GPR158: variants seen among roughly 807,000 people sequenced by gnomAD.
GPR158 encodes G protein-coupled receptor 158, also known as metabotropic glycine receptor.
A neutral mutation model predicts 78.2 loss-of-function variants in GPR158; 30 were observed. The ratio of observed to expected loss-of-function variants is 0.38; its 90% CI spans 0.29 to 0.52. The LOEUF is 0.52. Among genes scored for constraint, GPR158 ranks in the 20% least tolerant of loss-of-function variants. The probability of loss-of-function intolerance (pLI) is 0.83; values close to 1 mark genes in which losing one functional copy is unlikely to be tolerated. For synonymous variants in GPR158, 581 were observed against 591.1 expected, an observed-to-expected ratio of 0.98 and a Z score of 0.25; for missense variants, 1,463 against 1,523.5, an observed-to-expected ratio of 0.96 and a Z score of 0.66.
intron 4 of GPR158, among the ~76,000 whole-genome samples, chr10:25,423,391 CT>C (rs71399970): frequency 0.7 from 103,403 of 147,360 alleles, 36,906 homozygotes; most frequent in Non-Finnish European, 0.8. Context: ...ACTTTTAGTT[CT>C]TTTTTTTTTT....
At position 25,601,051 on chromosome 10, in the gene GPR158, A is replaced by G. The variant is rs16926172; in HGVS notation, c.*1777A>G. 9,548 of 152,446 alleles carry G rather than the reference A, an allele frequency of 0.063. 435 individuals carry two copies. The highest frequency in any genetic ancestry group is 0.13 in the African/African-American group (5,588 of 41,528). 9.4% of individuals were successfully genotyped at this position (152,446 alleles called of 1,614,324 possible). A position where few individuals can be genotyped will look rare whatever the true frequency, so the allele number is the denominator to read the frequency against. On this transcript the variant is annotated 3_prime_UTR_variant, in exon 11 of 11. Transcript: ENST00000376351. ...AATAACTATTTTTTATGTCACAAGC[A>G]GCAAGGAGGACATGCTAGGGTGATA... is the stretch of plus-strand genomic sequence containing the variant.
At chr10:25,553,797 C>T (rs1836754800) in intron 6 of GPR158, among the ~76,000 whole-genome samples, 1 of 152,142 alleles carries the variant, frequency 6.6e-6, no homozygotes, top group East Asian at 1.9e-4. Context: ...TAAATCCTGA[C>T]AAATCCAAAT....
intron 2 of GPR158, among the ~76,000 whole-genome samples, chr10:25,256,169 G>C (rs367766903): frequency 6.8e-6 from 1 of 146,916 alleles, no homozygotes; most frequent in Non-Finnish European, 1.5e-5. Context: ...TAGTACTTTC[G>C]ACTGAAAAAA....
chr10:25,580,644 T>C (rs1220480442), intron 7 of GPR158, among the ~76,000 whole-genome samples: 1 of 152,208 alleles, frequency 6.6e-6, no homozygotes, highest in African/African-American at 2.4e-5. Context: ...TTTAGATTCA[T>C]TACATACATT....
intron 2 of GPR158, among the ~76,000 whole-genome samples, chr10:25,266,603 G>A (rs189273085): frequency 1.4e-4 from 22 of 152,178 alleles, no homozygotes; most frequent in African/African-American, 5.3e-4. Context: ...TTAAGCATAA[G>A]AAGGAAAGCT....
chr10:25,524,195 A>G (rs1047010380), intron 5 of GPR158, among the ~76,000 whole-genome samples: 4 of 152,198 alleles, frequency 2.6e-5, no homozygotes, highest in Admixed American at 2.0e-4. Flanking sequence ...GGATTAGAAA[A>G]CTGAATAGGT....
intron 2 of GPR158, among the ~76,000 whole-genome samples, chr10:25,333,716 T>G (rs1039080605): frequency 2.0e-5 from 3 of 152,188 alleles, no homozygotes; most frequent in African/African-American, 7.2e-5. Context: ...AAAGACATAT[T>G]AACTAAGTAT....
At chr10:25,255,895 A>G (rs1003557160) in intron 2 of GPR158, among the ~76,000 whole-genome samples, 1 of 152,180 alleles carries the variant, frequency 6.6e-6, no homozygotes, top group African/African-American at 2.4e-5. Flanking sequence ...CATATTATAT[A>G]CCTGTCCATA....
intron 5 of GPR158, among the ~76,000 whole-genome samples, chr10:25,550,095 A>AGTAG (rs1180187471): frequency 6.6e-6 from 1 of 152,194 alleles, no homozygotes; most frequent in Non-Finnish European, 1.5e-5. Flanking sequence ...GCATATGAAG[A>AGTAG]GTAGTGGAGT....
chr10:25,580,440 G>A (rs1837173263), intron 7 of GPR158, among the ~76,000 whole-genome samples: 1 of 152,048 alleles, frequency 6.6e-6, no homozygotes, highest in Non-Finnish European at 1.5e-5. Context: ...AGAAAGAACC[G>A]AGAAAAATAC....
At chr10:25,586,213 G>A (rs537412192) in intron 7 of GPR158, among the ~76,000 whole-genome samples, 16 of 152,172 alleles carry the variant, frequency 1.1e-4, no homozygotes, top group African/African-American at 3.6e-4. Context: ...TGACCCGAAG[G>A]CCAGAGACCA....
chr10:25,293,491 G>GT (rs1292653006), intron 2 of GPR158, among the ~76,000 whole-genome samples: 4 of 152,142 alleles, frequency 2.6e-5, no homozygotes, highest in African/African-American at 9.7e-5. Context: ...CTCAAAAAGG[G>GT]TTAGCCATTC....
chr10:25,451,844 A>G (rs749769544), intron 4 of GPR158, among the ~76,000 whole-genome samples: 1 of 152,170 alleles, frequency 6.6e-6, no homozygotes, highest in Non-Finnish European at 1.5e-5. Flanking sequence ...ACTCATTACC[A>G]CATTTATTAC....
intron 2 of GPR158, among the ~76,000 whole-genome samples, chr10:25,387,064 G>A (rs1181517436): frequency 1.3e-5 from 2 of 152,116 alleles, no homozygotes; most frequent in South Asian, 4.1e-4. Context: ...GAGCTTAGAG[G>A]AAAAGTTTTC....
At chr10:25,314,397 T>C (rs1005205925) in intron 2 of GPR158, among the ~76,000 whole-genome samples, 2 of 152,142 alleles carry the variant, frequency 1.3e-5, no homozygotes, top group Admixed American at 6.5e-5. Context: ...CCACACCCGG[T>C]TGGTTTTCAA....
At chr10:25,287,445 T>G (rs1854368334) in intron 2 of GPR158, among the ~76,000 whole-genome samples, 1 of 152,100 alleles carries the variant, frequency 6.6e-6, no homozygotes, top group South Asian at 2.1e-4. Context: ...GATGCTATCT[T>G]AGGACCCTCA....
chr10:25,325,485 AC>A, intron 2 of GPR158, among the ~76,000 whole-genome samples: 1 of 152,034 alleles, frequency 6.6e-6, no homozygotes, highest in Non-Finnish European at 1.5e-5. Flanking sequence ...ACACACACAC[AC>A]ACACACTACG....
At chr10:25,431,311 A>T (rs1211567428) in intron 4 of GPR158, among the ~76,000 whole-genome samples, 2 of 146,784 alleles carry the variant, frequency 1.4e-5, no homozygotes, top group Non-Finnish European at 3.0e-5. Context: ...ACAATGAGAT[A>T]CCATCTCACA....
intron 2 of GPR158, among the ~76,000 whole-genome samples, chr10:25,263,766 G>A (rs887111743): frequency 2.6e-5 from 4 of 151,994 alleles, no homozygotes; most frequent in African/African-American, 7.2e-5. Context: ...GTGAAACCCC[G>A]TCTCTACTAA....
Sources: allele counts gnomAD v4.1 joint callset (sites outside exome capture counted in the v4.1 genomes callset), GRCh38; gene constraint gnomAD v4.1.1; transcripts MANE v1.5; gene names NCBI Gene and HGNC (gene_info 2026-07-23, HGNC 2026-07-21).